TMC1: variants seen among roughly 807,000 people sequenced by gnomAD.
TMC1 encodes transmembrane channel-like protein 1.
In TMC1, 84 loss-of-function variants were observed where a neutral mutation model predicts 105.8. The observed-to-expected ratio is 0.79, with a 90% confidence interval of 0.67 to 0.95. TMC1 has a LOEUF of 0.95. TMC1 is among the 40% of genes least tolerant of loss of function. The pLI is 0.00. For synonymous variants in TMC1, 315 were observed against 311.5 expected, an observed-to-expected ratio of 1.01 and a Z score of -0.12; for missense variants, 817 against 914.1, an observed-to-expected ratio of 0.89 and a Z score of 1.37.
At chr9:72,745,375 G>T (rs559757842) in intron 10 of TMC1, among the ~76,000 whole-genome samples, 1 of 152,220 alleles carries the variant, frequency 6.6e-6, no homozygotes, top group South Asian at 2.1e-4. Context: ...CTTTAGGGAA[G>T]GTTTTACATA....
At chr9:72,614,984 A>G (rs1825102615) in intron 2 of TMC1, among the ~76,000 whole-genome samples, 1 of 152,176 alleles carries the variant, frequency 6.6e-6, no homozygotes, top group Non-Finnish European at 1.5e-5. Context: ...CCAGCCAGTT[A>G]TAGGATAGCT....
chr9:72,705,929 C>T (rs1156970891), intron 8 of TMC1, among the ~76,000 whole-genome samples: 1 of 152,118 alleles, frequency 6.6e-6, no homozygotes, highest in Admixed American at 6.5e-5. Context: ...AATGAGACAC[C>T]CAGTAAAGCC....
At chr9:72,596,073 C>G (rs1441488349) in intron 2 of TMC1, among the ~76,000 whole-genome samples, 1 of 151,928 alleles carries the variant, frequency 6.6e-6, no homozygotes, top group Non-Finnish European at 1.5e-5. Flanking sequence ...GACAGGGTTT[C>G]ACCATATTGA....
intron 12 of TMC1, among the ~76,000 whole-genome samples, chr9:72,763,611 G>A (rs145941766): frequency 6.6e-6 from 1 of 152,290 alleles, no homozygotes; most frequent in East Asian, 1.9e-4. Flanking sequence ...GATATTCTCA[G>A]CAGTAAGAAC....
chr9:72,772,878 A>C (rs1827952800), intron 13 of TMC1, among the ~76,000 whole-genome samples: 1 of 152,162 alleles, frequency 6.6e-6, no homozygotes, highest in Admixed American at 6.5e-5. Flanking sequence ...ACAGGAAAAC[A>C]GCTGCTGGTC....
intron 5 of TMC1, among the ~76,000 whole-genome samples, chr9:72,681,531 A>G (rs1243547763): frequency 1.3e-5 from 2 of 152,156 alleles, no homozygotes; most frequent in Non-Finnish European, 2.9e-5. Context: ...CATTTGCAGA[A>G]CCAGGCTTCA....
intron 3 of TMC1, among the ~76,000 whole-genome samples, chr9:72,619,707 T>C (rs1404856835): frequency 4.6e-5 from 7 of 151,766 alleles, no homozygotes; most frequent in Admixed American, 4.6e-4. Context: ...CAAAAGCATA[T>C]GAATAGAAAA....
chr9:72,777,448 T>C lies in TMC1; in HGVS notation c.884+4893T>C, dbSNP rs926323474. On this transcript the variant is annotated intron_variant, in intron 13 of 23. Coordinates refer to ENST00000297784, the MANE Select transcript of TMC1 (RefSeq NM_138691.3). ...TCATAATGTTTGATGTATGTAATGA[T>C]GAATTTCAGACCCTAGAGAAAGTTA... Among the ~76,000 whole-genome samples the C allele has an allele frequency of 1.8e-4, 27 of 152,312 alleles. No homozygotes were observed. The East Asian group carries it at 4.8e-3, about 27-fold the overall frequency.
At chr9:72,786,570 A>T (rs1396609255) in intron 13 of TMC1, among the ~76,000 whole-genome samples, 3 of 152,246 alleles carry the variant, frequency 2.0e-5, no homozygotes, top group Non-Finnish European at 2.9e-5. Flanking sequence ...ATTGCTTCTC[A>T]GATAAGGTGG....
At position 72,557,327 on chromosome 9, in the gene TMC1, T is replaced by A. The variant is rs567155880; in HGVS notation, c.-427-20575T>A. Among the ~76,000 whole-genome samples, 3 of 152,004 alleles carry A rather than the reference T, an allele frequency of 2.0e-5. No individual in the cohort carries two copies. The South Asian group carries it at 6.2e-4, about 32-fold the overall frequency. On this transcript the variant is annotated intron_variant, in intron 1 of 23. Transcript: ENST00000297784. ...CAAAGATTGCAGTGAGCTAAGATCATGCCACTGCACTCCAGCCTGGGTGAC... is the reference window on the plus strand; with the variant it reads ...CAAAGATTGCAGTGAGCTAAGATCAAGCCACTGCACTCCAGCCTGGGTGAC...
intron 20 of TMC1, 93 bp downstream of exon 20, chr9:72,821,174 C>T (rs181689107): frequency 1.0e-5 from 16 of 1,575,578 alleles, no homozygotes; most frequent in Non-Finnish European, 1.3e-5. Context: ...TTTTTCCCCC[C>T]AAACAATGAC....
intron 1 of TMC1, among the ~76,000 whole-genome samples, chr9:72,564,062 C>G (rs1286141855): frequency 1.3e-5 from 2 of 152,078 alleles, no homozygotes; most frequent in Non-Finnish European, 2.9e-5. Context: ...TTTAATCACA[C>G]ATATCACTTG....
chr9:72,522,225 C>G (rs1420304090), intron 1 of TMC1, among the ~76,000 whole-genome samples: 1 of 151,528 alleles, frequency 6.6e-6, no homozygotes, highest in Non-Finnish European at 1.5e-5. Context: ...TCTCGGCTCC[C>G]CAAGTAGCTG....
At chr9:72,830,593 A>G (rs907222830) in intron 22 of TMC1, 38 bp from the exon 23 acceptor site, 3 of 1,608,560 alleles carry the variant, frequency 1.9e-6, no homozygotes, top group Non-Finnish European at 2.6e-6. Context: ...GAAAACACTG[A>G]GAAATCTACT....
intron 12 of TMC1, among the ~76,000 whole-genome samples, chr9:72,760,602 A>G (rs1827741097): frequency 6.6e-6 from 1 of 152,128 alleles, no homozygotes; most frequent in Non-Finnish European, 1.5e-5. Context: ...GCTGTCTCTC[A>G]AAGGAGATCT....
rs767642609 is a variant in TMC1, at chr9:72,792,330, G to T, written c.1544G>T (p.Cys515Phe). ...VHPADVPRGPCWETMVGQEFV... is the reference protein window; with the variant it reads ...VHPADVPRGPFWETMVGQEFV... Reference sequence around the variant, plus strand: ...CCTGCAGATGTACCTCGAGGACCTTGCTGGGAAACAATGGTGGGACAGGTA... The same window carrying T: ...CCTGCAGATGTACCTCGAGGACCTTTCTGGGAAACAATGGTGGGACAGGTA... The change falls in exon 17 of 24, where the codon TGC becomes TTC. Residue 515 changes from cysteine to phenylalanine, a missense_variant. Cys to Phe is a radical substitution (Grantham distance 205). Transcript: ENST00000297784. 5 of 1,614,144 alleles carry T rather than the reference G, an allele frequency of 3.1e-6. No individual in the cohort carries two copies. The highest frequency in any genetic ancestry group is 8.5e-7 in the Non-Finnish European group (1 of 1,180,010).
At chr9:72,533,855 A>G (rs1823536205) in intron 1 of TMC1, among the ~76,000 whole-genome samples, 1 of 152,144 alleles carries the variant, frequency 6.6e-6, no homozygotes, top group South Asian at 2.1e-4. Flanking sequence ...ATTTCTGGCC[A>G]GGTGCAGTGA....
chr9:72,640,419 A>T (rs897282845), intron 4 of TMC1, among the ~76,000 whole-genome samples: 1 of 152,174 alleles, frequency 6.6e-6, no homozygotes, highest in African/African-American at 2.4e-5. Context: ...TCCAGGCATC[A>T]TCATGGGGGT....
intron 20 of TMC1, among the ~76,000 whole-genome samples, chr9:72,824,626 CTG>C (rs1828924348): frequency 6.6e-6 from 1 of 152,148 alleles, no homozygotes; most frequent in African/African-American, 2.4e-5. Context: ...CCAACTGAGT[CTG>C]TGGTCTTTAT....
Sources: gnomAD v4.1 joint callset for allele counts (sites outside exome capture counted in the v4.1 genomes callset) on GRCh38, gnomAD v4.1.1 for gene constraint, MANE v1.5 for transcripts, NCBI Gene and HGNC (gene_info 2026-07-23, HGNC 2026-07-21) for gene names.